Variants in LRRC4C observed in about 807,000 individuals in gnomAD.
LRRC4C encodes the protein leucine rich repeat containing 4C.
LRRC4C carries 5 observed loss-of-function variants against 33.6 expected under a neutral mutation model. That is an observed-to-expected ratio of 0.15 (90% CI 0.08 to 0.31). LRRC4C has a LOEUF of 0.31. Among genes scored for constraint, LRRC4C ranks in the 10% least tolerant of loss-of-function variants. The pLI is 1.00. For synonymous variants in LRRC4C, 329 were observed against 302.0 expected, an observed-to-expected ratio of 1.09 and a Z score of -0.93; for missense variants, 560 against 796.7, an observed-to-expected ratio of 0.70 and a Z score of 3.58.
At chr11:41,032,557 T>C (rs1470863133) in intron 1 of LRRC4C, among the ~76,000 whole-genome samples, 1 of 152,024 alleles carries the variant, frequency 6.6e-6, no homozygotes, top group African/African-American at 2.4e-5. Flanking sequence ...TTTGGAAATT[T>C]TATGATATTT....
intron 3 of LRRC4C, among the ~76,000 whole-genome samples, chr11:40,591,372 A>G (rs1057168866): frequency 6.6e-6 from 1 of 152,100 alleles, no homozygotes; most frequent in South Asian, 2.1e-4. Context: ...ACCTGCGCCC[A>G]CTGTCTGGCA....
At chr11:40,724,692 T>C (rs910234126) in intron 2 of LRRC4C, among the ~76,000 whole-genome samples, 1 of 150,924 alleles carries the variant, frequency 6.6e-6, no homozygotes, top group Admixed American at 6.6e-5. Context: ...ACATCACACC[T>C]AAAGGTACTA....
chr11:40,592,238 G>C (rs1264050434), intron 3 of LRRC4C, among the ~76,000 whole-genome samples: 1 of 152,162 alleles, frequency 6.6e-6, no homozygotes, highest in African/African-American at 2.4e-5. Context: ...AGCCCATAAT[G>C]TGGAAATGGT....
At chr11:40,323,092 A>G (rs1190038405) in intron 3 of LRRC4C, among the ~76,000 whole-genome samples, 5 of 152,206 alleles carry the variant, frequency 3.3e-5, no homozygotes, top group African/African-American at 9.7e-5. Flanking sequence ...AAAATAATCA[A>G]CTTGGAAATG....
At chr11:40,764,424 G>T (rs1426017856) in intron 2 of LRRC4C, among the ~76,000 whole-genome samples, 3 of 152,172 alleles carry the variant, frequency 2.0e-5, no homozygotes, top group Admixed American at 6.5e-5. Context: ...CTTGCAGCTT[G>T]TGTGCCAGCT....
intron 3 of LRRC4C, among the ~76,000 whole-genome samples, chr11:40,557,688 G>T (rs935972446): frequency 1.4e-4 from 21 of 152,038 alleles, no homozygotes; most frequent in African/African-American, 4.8e-4. Context: ...GCGTGTGTGT[G>T]TGTGTGTGTG....
intron 1 of LRRC4C, among the ~76,000 whole-genome samples, chr11:40,962,520 C>A (rs546824087): frequency 6.6e-6 from 1 of 151,798 alleles, no homozygotes; most frequent in African/African-American, 2.4e-5. Flanking sequence ...CTATCTTCAG[C>A]TAGGGCAGGG....
chr11:40,465,759 T>C (rs534506752), intron 3 of LRRC4C, among the ~76,000 whole-genome samples: 19 of 151,978 alleles, frequency 1.3e-4, no homozygotes, highest in African/African-American at 3.9e-4. Context: ...ACCATCAGAA[T>C]GTCTATTACT....
chr11:41,149,550 G>C (rs915724554), intron 1 of LRRC4C, among the ~76,000 whole-genome samples: 1 of 150,524 alleles, frequency 6.6e-6, no homozygotes, highest in African/African-American at 2.4e-5. Context: ...CTGAACAGAA[G>C]TGATATTGCT....
At chr11:40,600,799 T>C (rs1269623786) in intron 3 of LRRC4C, among the ~76,000 whole-genome samples, 1 of 152,210 alleles carries the variant, frequency 6.6e-6, no homozygotes, top group Non-Finnish European at 1.5e-5. Flanking sequence ...AAACCATCTC[T>C]TGGTATATTC....
At chr11:41,445,211 CTTCCCATG>C (rs1249038589) in intron 1 of LRRC4C, among the ~76,000 whole-genome samples, 1 of 152,194 alleles carries the variant, frequency 6.6e-6, no homozygotes, top group Non-Finnish European at 1.5e-5. Context: ...ATCTCTCTTC[CTTCCCATG>C]TTCCAGAAGA....
At chr11:40,875,171 T>C (rs1383911083) in intron 2 of LRRC4C, among the ~76,000 whole-genome samples, 1 of 152,088 alleles carries the variant, frequency 6.6e-6, no homozygotes, top group Non-Finnish European at 1.5e-5. Flanking sequence ...ATTTACACAA[T>C]AGAAATATTT....
chr11:41,437,759 T>G (rs1387978627), intron 1 of LRRC4C, among the ~76,000 whole-genome samples: 1 of 152,176 alleles, frequency 6.6e-6, no homozygotes, highest in East Asian at 1.9e-4. Context: ...CAATATGGGC[T>G]GGGTGCCCTG....
At chr11:41,094,390 G>A (rs1482610363) in intron 1 of LRRC4C, among the ~76,000 whole-genome samples, 2 of 151,920 alleles carry the variant, frequency 1.3e-5, no homozygotes, top group East Asian at 3.9e-4. Flanking sequence ...CCGGCCTGGT[G>A]GCGTGTGCCT....
At chr11:40,480,021 G>C (rs1953463801) in intron 3 of LRRC4C, among the ~76,000 whole-genome samples, 1 of 152,140 alleles carries the variant, frequency 6.6e-6, no homozygotes, top group African/African-American at 2.4e-5. Context: ...CTTGAAGAGA[G>C]TTAATCCTAT....
At chr11:40,190,046 G>A (rs374621503) in intron 5 of LRRC4C, among the ~76,000 whole-genome samples, 8 of 152,230 alleles carry the variant, frequency 5.3e-5, no homozygotes, top group African/African-American at 1.9e-4. Flanking sequence ...CAACATTGAA[G>A]CAAAGCCAAA....
At chr11:41,286,773 G>A (rs1360192567) in intron 1 of LRRC4C, among the ~76,000 whole-genome samples, 3 of 152,202 alleles carry the variant, frequency 2.0e-5, no homozygotes, top group East Asian at 3.9e-4. Context: ...AAGAGGAGGG[G>A]GAGGAGAGGG....
chr11:40,973,420 T>G (rs971417348), intron 1 of LRRC4C, among the ~76,000 whole-genome samples: 3 of 152,152 alleles, frequency 2.0e-5, no homozygotes, highest in Admixed American at 6.6e-5. Context: ...AACAGTGCCT[T>G]GTCAAGAAAT....
intron 3 of LRRC4C, among the ~76,000 whole-genome samples, chr11:40,619,054 A>T (rs971825349): frequency 6.6e-6 from 1 of 151,726 alleles, no homozygotes; most frequent in African/African-American, 2.4e-5. Context: ...AAAGACAAAC[A>T]TCACATGTTC....
Sources: allele counts gnomAD v4.1 joint callset (sites outside exome capture counted in the v4.1 genomes callset), GRCh38; gene constraint gnomAD v4.1.1; transcripts MANE v1.5; gene names NCBI Gene and HGNC (gene_info 2026-07-23, HGNC 2026-07-21).